LRP1B: variants seen among roughly 807,000 people sequenced by gnomAD.
The protein encoded by LRP1B is low-density lipoprotein receptor-related protein 1B.
LRP1B carries 217 observed loss-of-function variants against 556.6 expected under a neutral mutation model. That is an observed-to-expected ratio of 0.39 (90% CI 0.35 to 0.44). The LOEUF is 0.44. Ranked by LOEUF, LRP1B falls within the 20% of genes least tolerant of loss-of-function variation. The pLI, the probability that LRP1B is intolerant of heterozygous loss-of-function variation, is 1.00. For synonymous variants in LRP1B, 2,047 were observed against 1,865.8 expected, an observed-to-expected ratio of 1.10 and a Z score of -2.50; for missense variants, 5,053 against 5,620.8, an observed-to-expected ratio of 0.90 and a Z score of 3.23.
chr2:141,233,626 A>G (rs1485405816), intron 5 of LRP1B, among the ~76,000 whole-genome samples: 1 of 152,128 alleles, frequency 6.6e-6, no homozygotes, highest in East Asian at 1.9e-4. Context: ...TCTCACAGTC[A>G]AAAATATACT....
chr2:141,069,927 A>G (rs1361738638), intron 7 of LRP1B, among the ~76,000 whole-genome samples: 1 of 150,312 alleles, frequency 6.7e-6, no homozygotes. Flanking sequence ...AGCATTAGGT[A>G]TATCTCCTAA....
intron 35 of LRP1B, among the ~76,000 whole-genome samples, chr2:140,732,157 G>C (rs1339077303): frequency 6.6e-6 from 1 of 151,686 alleles, no homozygotes; most frequent in Non-Finnish European, 1.5e-5. Flanking sequence ...CGTGGGAGGG[G>C]TTCATTATTC....
intron 1 of LRP1B, among the ~76,000 whole-genome samples, chr2:141,938,123 A>C (rs1048857993): frequency 1.3e-5 from 2 of 152,060 alleles, no homozygotes. Flanking sequence ...AAATCAGAAA[A>C]ATCTTCTGCC....
At chr2:142,032,456 A>T (rs1349691796) in intron 1 of LRP1B, among the ~76,000 whole-genome samples, 1 of 151,760 alleles carries the variant, frequency 6.6e-6, no homozygotes, top group East Asian at 1.9e-4. Flanking sequence ...AGCTGGAGAG[A>T]GTGACGAATA....
intron 35 of LRP1B, among the ~76,000 whole-genome samples, chr2:140,743,666 G>A (rs1048275197): frequency 6.6e-6 from 1 of 151,994 alleles, no homozygotes; most frequent in African/African-American, 2.4e-5. Context: ...ATTCACTAAA[G>A]AGTAAAATCC....
At chr2:140,631,264 T>A (rs1683873021) in intron 41 of LRP1B, among the ~76,000 whole-genome samples, 1 of 152,060 alleles carries the variant, frequency 6.6e-6, no homozygotes, top group African/African-American at 2.4e-5. Context: ...TCTACAAAAA[T>A]TTGCATGACA....
intron 3 of LRP1B, among the ~76,000 whole-genome samples, chr2:141,446,648 T>A (rs750604807): frequency 1.3e-5 from 2 of 152,192 alleles, no homozygotes; most frequent in Non-Finnish European, 2.9e-5. Flanking sequence ...GTGAAGGATT[T>A]TATTTCTCAT....
intron 43 of LRP1B, among the ~76,000 whole-genome samples, chr2:140,573,960 T>A (rs924727950): frequency 6.6e-6 from 1 of 152,100 alleles, no homozygotes; most frequent in African/African-American, 2.4e-5. Context: ...TCTTATGGCC[T>A]ATAAATAAGA....
chr2:141,835,047 A>G (rs964911220), intron 1 of LRP1B, among the ~76,000 whole-genome samples: 1 of 151,952 alleles, frequency 6.6e-6, no homozygotes, highest in African/African-American at 2.4e-5. Flanking sequence ...ATAAATAGAA[A>G]CAATGTTACC....
chr2:141,522,028 T>C (rs1201347190), intron 2 of LRP1B, among the ~76,000 whole-genome samples: 21 of 152,114 alleles, frequency 1.4e-4, no homozygotes, highest in Admixed American at 1.4e-3. Flanking sequence ...TATCTGACTA[T>C]TAAGTAGGAA....
At chr2:140,467,224 T>C (rs1271777100) in intron 60 of LRP1B, among the ~76,000 whole-genome samples, 1 of 152,146 alleles carries the variant, frequency 6.6e-6, no homozygotes, top group African/African-American at 2.4e-5. Context: ...CAAACTCTAA[T>C]ATGCAACTAT....
chr2:141,880,777 T>C (rs1698931628), intron 1 of LRP1B, among the ~76,000 whole-genome samples: 1 of 152,080 alleles, frequency 6.6e-6, no homozygotes, highest in Non-Finnish European at 1.5e-5. Flanking sequence ...TGATGTCTTC[T>C]ACAGCTAAGC....
intron 7 of LRP1B, among the ~76,000 whole-genome samples, chr2:141,151,359 T>C (rs1306000977): frequency 1.3e-5 from 2 of 152,144 alleles, no homozygotes; most frequent in Non-Finnish European, 2.9e-5. Flanking sequence ...AAAAAAGCCA[T>C]GCAGGCATAT....
rs1689283091 is a variant in LRP1B, at chr2:140,770,789, GT to G, written c.5626+91del. The G allele has an allele frequency of 2.8e-6, 3 of 1,082,336 alleles. No individual in the cohort carries two copies. In the African/African-American group the frequency reaches 5.0e-5, roughly 18 times the overall value. The allele number at this position is 1,082,336 out of a possible 1,614,324, so 67.0% of individuals were successfully genotyped here. A position where few individuals can be genotyped will look rare whatever the true frequency, so the allele number is the denominator to read the frequency against. ...AATAACTAGTTAATTTTTTTCTAATGTTTAACTGACTTTGGTTGCCTAACAT... is the reference window on the plus strand; with the variant it reads ...AATAACTAGTTAATTTTTTTCTAATGTTAACTGACTTTGGTTGCCTAACAT... On this transcript the variant is annotated intron_variant, in intron 34 of 90. Transcript: ENST00000389484.
chr2:140,484,955 G>C (rs998552014), intron 59 of LRP1B, among the ~76,000 whole-genome samples: 1 of 152,030 alleles, frequency 6.6e-6, no homozygotes, highest in Non-Finnish European at 1.5e-5. Context: ...GTGGTGCAGG[G>C]ATTACTTTGT....
rs1424455015 is a variant in LRP1B at position 140,231,693 on chromosome 2, T to C, written c.*1493A>G. On this transcript the variant is annotated 3_prime_UTR_variant, in exon 91 of 91. Coordinates refer to ENST00000389484, the MANE Select transcript of LRP1B (RefSeq NM_018557.3). The stretch of plus-strand genomic sequence containing the variant: ...TAGAAATAGGTAGTATGCATGCACA[T>C]AGTACAACAAAAAGTCTTCTTATAA... 1 of 151,714 alleles carries C rather than the reference T, an allele frequency of 6.6e-6. No homozygotes were observed. The highest frequency in any genetic ancestry group is 1.5e-5 in the Non-Finnish European group (1 of 67,554). 9.4% of individuals were successfully genotyped at this position (151,714 alleles called of 1,614,324 possible).
At chr2:141,371,013 C>T (rs953616108) in intron 3 of LRP1B, among the ~76,000 whole-genome samples, 1 of 151,978 alleles carries the variant, frequency 6.6e-6, no homozygotes, top group Non-Finnish European at 1.5e-5. Flanking sequence ...GATGGAGTTT[C>T]GCTCTCGTGG....
intron 1 of LRP1B, among the ~76,000 whole-genome samples, chr2:141,979,554 C>G (rs79821519): frequency 6.6e-6 from 1 of 152,006 alleles, no homozygotes; most frequent in African/African-American, 2.4e-5. Flanking sequence ...AAGAAAAGCA[C>G]CCTTGTTCCC....
chr2:141,787,899 C>T (rs1361245485), intron 2 of LRP1B, among the ~76,000 whole-genome samples: 1 of 151,880 alleles, frequency 6.6e-6, no homozygotes, highest in African/African-American at 2.4e-5. Context: ...TCTCTTTTTA[C>T]TTTTCCATAA....
Sources: gnomAD v4.1 joint callset for allele counts (sites outside exome capture counted in the v4.1 genomes callset) on GRCh38, gnomAD v4.1.1 for gene constraint, MANE v1.5 for transcripts, NCBI Gene and HGNC (gene_info 2026-07-23, HGNC 2026-07-21) for gene names.